Variants in RETREG1 observed in about 807,000 individuals in gnomAD.
The protein encoded by RETREG1 is family with sequence similarity 134 member B.
Under a neutral mutation model 54.8 loss-of-function variants are expected in RETREG1, and 44 were observed. The ratio of observed to expected loss-of-function variants is 0.80; its 90% CI spans 0.63 to 1.03. The LOEUF (loss-of-function observed/expected upper bound fraction) is 1.03, where lower values mean the gene tolerates loss of function less well. Among genes scored for constraint, RETREG1 ranks in the 50% least tolerant of loss-of-function variants. The probability of loss-of-function intolerance (pLI) is 0.00; values close to 1 mark genes in which losing one functional copy is unlikely to be tolerated. For synonymous variants in RETREG1, 217 were observed against 238.5 expected (o/e 0.91, Z 0.83); for missense variants, 554 against 605.1 (o/e 0.92, Z 0.89).
chr5:16,485,998 ACT>A (rs1185550027), intron 3 of RETREG1, among the ~76,000 whole-genome samples: 3 of 152,060 alleles, frequency 2.0e-5, no homozygotes, highest in African/African-American at 7.2e-5. Flanking sequence ...ATAAGAAAAC[ACT>A]CTTAATTATA....
At chr5:16,556,735 A>G (rs1741718273) in intron 3 of RETREG1, among the ~76,000 whole-genome samples, 1 of 152,226 alleles carries the variant, frequency 6.6e-6, no homozygotes, top group Non-Finnish European at 1.5e-5. Context: ...TAAGGAGAAC[A>G]TGTTGCCTGT....
intron 1 of RETREG1, among the ~76,000 whole-genome samples, chr5:16,582,620 T>A (rs1742518595): frequency 6.8e-6 from 1 of 147,778 alleles, no homozygotes; most frequent in African/African-American, 2.5e-5. Flanking sequence ...GTTTCGAAAC[T>A]GTCAGGGGAA....
intron 1 of RETREG1, among the ~76,000 whole-genome samples, chr5:16,598,800 A>G (rs569050247): frequency 2.0e-5 from 3 of 152,172 alleles, no homozygotes; most frequent in Non-Finnish European, 4.4e-5. Context: ...TTAAAGTTCA[A>G]TGTCAGATCA....
intron 3 of RETREG1, among the ~76,000 whole-genome samples, chr5:16,549,891 C>G (rs953268197): frequency 6.6e-6 from 1 of 152,012 alleles, no homozygotes; most frequent in African/African-American, 2.4e-5. Flanking sequence ...TTTCTGTGTT[C>G]GTGAAAATAT....
At chr5:16,577,033 G>GCACA (rs988871331) in intron 1 of RETREG1, among the ~76,000 whole-genome samples, 6 of 92,794 alleles carry the variant, frequency 6.5e-5, no homozygotes, top group Non-Finnish European at 1.6e-4. Flanking sequence ...ATTTTTGTGT[G>GCACA]CACGCACACA....
chr5:16,588,282 T>C (rs993866260), intron 1 of RETREG1, among the ~76,000 whole-genome samples: 1 of 152,210 alleles, frequency 6.6e-6, no homozygotes, highest in African/African-American at 2.4e-5. Context: ...TCTCACTGCA[T>C]TCTCATAGGG....
chr5:16,485,947 G>T (rs1287513042), intron 3 of RETREG1, among the ~76,000 whole-genome samples: 1 of 151,954 alleles, frequency 6.6e-6, no homozygotes, highest in Non-Finnish European at 1.5e-5. Context: ...TTGCTGGAAA[G>T]AAAGAAAAAA....
In RETREG1 at chr5:16,517,046, C is replaced by A. The variant is rs183627866; in HGVS notation, c.459-33574G>T. ...CAATACTGAGTGAGGAAAAGTAATC[C>A]CTAAGGAGCATGGGAACGAGGAGGA... On this transcript the variant is annotated intron_variant, in intron 3 of 8. Transcript: ENST00000306320. 2.8e-3 allele frequency among the ~76,000 whole-genome samples: 419 copies of A among 151,850 alleles called. 2 individuals are homozygous for A. Among genetic ancestry groups the A allele is most frequent in the Admixed American group, 4.3e-3 (66 of 15,236 alleles).
intron 3 of RETREG1, among the ~76,000 whole-genome samples, chr5:16,538,353 A>C (rs1291606439): frequency 1.3e-5 from 2 of 152,214 alleles, no homozygotes; most frequent in Admixed American, 1.3e-4. Context: ...TTAGTGTGGA[A>C]GTAGCTTCAA....
chr5:16,558,725 T>C (rs1487622525), intron 3 of RETREG1, among the ~76,000 whole-genome samples: 1 of 152,240 alleles, frequency 6.6e-6, no homozygotes, highest in African/African-American at 2.4e-5. Context: ...TGAAGTCTAG[T>C]AGTTACAACA....
chr5:16,538,087 C>A (rs1482776487), intron 3 of RETREG1, among the ~76,000 whole-genome samples: 1 of 152,194 alleles, frequency 6.6e-6, no homozygotes, highest in African/African-American at 2.4e-5. Context: ...GGTTCCCAAC[C>A]AGACCAAGAC....
chr5:16,525,155 C>T (rs367664776), intron 3 of RETREG1, among the ~76,000 whole-genome samples: 3 of 121,440 alleles, frequency 2.5e-5, no homozygotes, highest in African/African-American at 3.1e-5. Context: ...TGTCCTCCGG[C>T]TCCTGCAGGT....
At chr5:16,503,609 A>C (rs1170923911) in intron 3 of RETREG1, among the ~76,000 whole-genome samples, 1 of 149,484 alleles carries the variant, frequency 6.7e-6, no homozygotes, top group African/African-American at 2.5e-5. Flanking sequence ...CAGAGTTTGC[A>C]GTGAGTCAAG....
intron 3 of RETREG1, among the ~76,000 whole-genome samples, chr5:16,519,158 G>A (rs975441007): frequency 2.0e-5 from 3 of 152,152 alleles, no homozygotes; most frequent in Non-Finnish European, 4.4e-5. Context: ...TGTGCACCCC[G>A]CTGCTGAGGA....
At chr5:16,497,122 A>C (rs2126543142) in intron 3 of RETREG1, among the ~76,000 whole-genome samples, 1 of 152,316 alleles carries the variant, frequency 6.6e-6, no homozygotes, top group Admixed American at 6.5e-5. Flanking sequence ...AGCACACACC[A>C]AGTGCTAGGC....
chr5:16,581,754 C>CTAT (rs3830197), intron 1 of RETREG1, among the ~76,000 whole-genome samples: 4 of 151,514 alleles, frequency 2.6e-5, no homozygotes, highest in Admixed American at 6.6e-5. Context: ...AGAAAAAAAA[C>CTAT]GATACATTTT....
chr5:16,596,708 A>G (rs1377342344), intron 1 of RETREG1, among the ~76,000 whole-genome samples: 1 of 152,162 alleles, frequency 6.6e-6, no homozygotes, highest in Non-Finnish European at 1.5e-5. Flanking sequence ...CAAAGCCCAC[A>G]ACATCCAGCC....
chr5:16,474,923 G>C lies in RETREG1; in HGVS notation c.1312C>G (p.Gln438Glu). 1 of 1,613,880 alleles carries C rather than the reference G, an allele frequency of 6.2e-7. No homozygotes were observed. The highest frequency in any genetic ancestry group is 8.5e-7 in the Non-Finnish European group (1 of 1,179,922). Residue 438 changes from glutamine to glutamate, a missense_variant, in exon 9 of 9, where the codon CAG (glutamine) becomes GAG (glutamate). Physicochemically the swap from Gln to Glu is conservative, Grantham distance 29. Coordinates refer to ENST00000306320, the MANE Select transcript of RETREG1 (RefSeq NM_001034850.3). ...TCCTCTTCTGGGATGGGGGCAGCCTGAGAAAGTGCTTGCTGCACACCCTCT... is the reference window on the plus strand; with the variant it reads ...TCCTCTTCTGGGATGGGGGCAGCCTCAGAAAGTGCTTGCTGCACACCCTCT... ...QLEGVQQALS[Q>E]AAPIPEEDTD...
chr5:16,595,673 C>T (rs988143881), intron 1 of RETREG1, among the ~76,000 whole-genome samples: 1 of 152,186 alleles, frequency 6.6e-6, no homozygotes, highest in Non-Finnish European at 1.5e-5. Flanking sequence ...TGATCAAATA[C>T]AAGCTATTAC....
Sources: gnomAD v4.1 joint callset for allele counts (sites outside exome capture counted in the v4.1 genomes callset) on GRCh38, gnomAD v4.1.1 for gene constraint, MANE v1.5 for transcripts, NCBI Gene and HGNC (gene_info 2026-07-23, HGNC 2026-07-21) for gene names.